Variants in NUBPL observed in about 807,000 individuals in gnomAD.
NUBPL encodes iron-sulfur cluster transfer protein NUBPL.
NUBPL carries 31 observed loss-of-function variants against 45.7 expected under a neutral mutation model. That is an observed-to-expected ratio of 0.68 (90% CI 0.51 to 0.92). The LOEUF (loss-of-function observed/expected upper bound fraction) is 0.92, where lower values mean the gene tolerates loss of function less well. Ranked by LOEUF, NUBPL falls within the 40% of genes least tolerant of loss-of-function variation. The probability of loss-of-function intolerance (pLI) is 0.00; values close to 1 mark genes in which losing one functional copy is unlikely to be tolerated. For missense variants in NUBPL, 401 were observed against 398.7 expected, an observed-to-expected ratio of 1.01 and a Z score of -0.05; for synonymous variants, 144 against 140.9, an observed-to-expected ratio of 1.02 and a Z score of -0.15.
intron 4 of NUBPL, among the ~76,000 whole-genome samples, chr14:31,659,467 G>A (rs2036217808): frequency 6.6e-6 from 1 of 152,208 alleles, no homozygotes; most frequent in African/African-American, 2.4e-5. Context: ...AAATGGTTGT[G>A]TATGGGTTGC....
intron 4 of NUBPL, among the ~76,000 whole-genome samples, chr14:31,601,738 A>G (rs999330359): frequency 6.6e-6 from 1 of 152,190 alleles, no homozygotes; most frequent in Non-Finnish European, 1.5e-5. Flanking sequence ...GTCAGGAAAC[A>G]ACAGGTGCTG....
rs371414827 is a variant in NUBPL, at chr14:31,825,825, C to A, written c.608-804C>A. Among the ~76,000 whole-genome samples the A allele has an allele frequency of 6.6e-5, 10 of 150,944 alleles. 1 individual carries two copies. In the East Asian group the frequency reaches 9.7e-4, roughly 15 times the overall value. ...TCTTCTCCTCCTCCTCCTCCTTCTT[C>A]TTCTTCTTGTTTCTTCTTTCTTCTT... On this transcript the variant is annotated intron_variant, in intron 7 of 10. Coordinates refer to ENST00000281081, the MANE Select transcript of NUBPL (RefSeq NM_025152.3).
intron 3 of NUBPL, among the ~76,000 whole-genome samples, chr14:31,588,959 A>G (rs1382039847): frequency 1.3e-5 from 2 of 151,842 alleles, no homozygotes; most frequent in Non-Finnish European, 2.9e-5. Context: ...TTCATATGGT[A>G]CTAAGCAACA....
At chr14:31,567,909 C>A (rs2033480384) in intron 3 of NUBPL, among the ~76,000 whole-genome samples, 1 of 152,140 alleles carries the variant, frequency 6.6e-6, no homozygotes, top group South Asian at 2.1e-4. Flanking sequence ...TTGATGCATG[C>A]CAAAGTTAAG....
chr14:31,595,156 G>A (rs1214693252), intron 3 of NUBPL, among the ~76,000 whole-genome samples: 1 of 152,108 alleles, frequency 6.6e-6, no homozygotes, highest in Non-Finnish European at 1.5e-5. Flanking sequence ...CTTTCTTGCA[G>A]TAGTAGTGAA....
chr14:31,834,824 T>C (rs561816020), intron 8 of NUBPL, among the ~76,000 whole-genome samples: 2 of 152,336 alleles, frequency 1.3e-5, no homozygotes, highest in Non-Finnish European at 2.9e-5. Context: ...TCTATTTGTT[T>C]AGTGGGACAT....
intron 4 of NUBPL, among the ~76,000 whole-genome samples, chr14:31,637,074 G>T (rs2035525817): frequency 1.3e-5 from 2 of 152,088 alleles, no homozygotes; most frequent in Non-Finnish European, 2.9e-5. Context: ...AAGGGATTTT[G>T]TGTCTCTATT....
At chr14:31,636,362 T>C (rs1170983842) in intron 4 of NUBPL, among the ~76,000 whole-genome samples, 2,443 of 152,250 alleles carry the variant, frequency 0.016, 81 homozygotes, top group African/African-American at 0.055. Flanking sequence ...GTGGTTTTTG[T>C]CTTTGGTTCT....
intron 7 of NUBPL, among the ~76,000 whole-genome samples, chr14:31,813,266 C>T (rs564448058): frequency 1.1e-4 from 17 of 152,094 alleles, no homozygotes; most frequent in South Asian, 4.2e-4. Context: ...GGATTACAAG[C>T]GTGAGCCACC....
intron 4 of NUBPL, among the ~76,000 whole-genome samples, chr14:31,661,725 A>G (rs2036274785): frequency 6.6e-6 from 1 of 152,116 alleles, no homozygotes; most frequent in Admixed American, 6.5e-5. Flanking sequence ...TATTTTTAGT[A>G]GAGACGGGGT....
intron 9 of NUBPL, 124 bp downstream of exon 9, chr14:31,846,715 G>T: frequency 6.8e-7 from 1 of 1,461,928 alleles, no homozygotes; most frequent in South Asian, 1.2e-5. Context: ...CCAGCACTTT[G>T]GGAGGTCGAG....
chr14:31,739,631 T>C (rs2038240536), intron 6 of NUBPL, among the ~76,000 whole-genome samples: 1 of 152,160 alleles, frequency 6.6e-6, no homozygotes, highest in Admixed American at 6.5e-5. Context: ...AGTGGTCTAT[T>C]TGTTATACTT....
chr14:31,738,700 A>T (rs868352208), intron 6 of NUBPL, among the ~76,000 whole-genome samples: 4 of 152,310 alleles, frequency 2.6e-5, no homozygotes, highest in South Asian at 4.1e-4. Context: ...AGGAATGATA[A>T]TTTAAAAAAT....
chr14:31,808,946 C>G (rs1423810932), intron 7 of NUBPL, among the ~76,000 whole-genome samples: 2 of 152,160 alleles, frequency 1.3e-5, no homozygotes, highest in South Asian at 2.1e-4. Flanking sequence ...TTGGACCAGC[C>G]TTGTATCCCA....
rs118074070 is a variant in NUBPL at position 31,848,958 on chromosome 14, T to A, written c.815-1161T>A. Among the ~76,000 whole-genome samples the A allele has an allele frequency of 3.0e-4, 46 of 152,342 alleles. 1 individual carries two copies. In the East Asian group the frequency reaches 8.7e-3, roughly 29 times the overall value. Reference sequence around the variant, plus strand: ...TAAGCATTTTCTATAACATTTTTGCTGCTTGCTCCTGTGACAGTTTCCTAT... The same window carrying A: ...TAAGCATTTTCTATAACATTTTTGCAGCTTGCTCCTGTGACAGTTTCCTAT... On this transcript the variant is annotated intron_variant, in intron 9 of 10. Coordinates refer to ENST00000281081, the MANE Select transcript of NUBPL (RefSeq NM_025152.3).
chr14:31,743,887 G>A (rs886145246), intron 6 of NUBPL, among the ~76,000 whole-genome samples: 9 of 152,158 alleles, frequency 5.9e-5, no homozygotes, highest in African/African-American at 2.2e-4. Flanking sequence ...GTGTTTCTTA[G>A]CAGTTAACAA....
chr14:31,565,429 AC>A (rs1368077784), intron 3 of NUBPL, among the ~76,000 whole-genome samples: 5 of 152,226 alleles, frequency 3.3e-5, no homozygotes, highest in African/African-American at 1.2e-4. Context: ...CAAATGGAAT[AC>A]GTGTGTAATG....
At chr14:31,790,983 T>A (rs2039371409) in intron 7 of NUBPL, among the ~76,000 whole-genome samples, 1 of 150,984 alleles carries the variant, frequency 6.6e-6, no homozygotes, top group African/African-American at 2.4e-5. Context: ...AAAGATTGCA[T>A]TAATGCCAGA....
chr14:31,787,549 C>T lies in NUBPL; in HGVS notation c.514-231C>T, dbSNP rs139695151. On this transcript the variant is annotated intron_variant, in intron 6 of 10. Coordinates refer to ENST00000281081, the MANE Select transcript of NUBPL (RefSeq NM_025152.3). ...AGTTCAACATTAACGTGTGTGTATG[C>T]GGATGAGTCATCTGGAAATTTAAAC... Among the ~76,000 whole-genome samples, 421 of 152,216 alleles carry T rather than the reference C, an allele frequency of 2.8e-3. 4 individuals are homozygous for T. Among genetic ancestry groups the T allele is most frequent in the African/African-American group, 9.5e-3 (396 of 41,534 alleles).
Sources: allele counts gnomAD v4.1 joint callset (sites outside exome capture counted in the v4.1 genomes callset), GRCh38; gene constraint gnomAD v4.1.1; transcripts MANE v1.5; gene names NCBI Gene and HGNC (gene_info 2026-07-23, HGNC 2026-07-21).